Variants in DOCK4 observed in about 807,000 individuals in gnomAD.
DOCK4 encodes dedicator of cytokinesis protein 4.
In DOCK4, 97 loss-of-function variants were observed where a neutral mutation model predicts 268.1. The observed-to-expected ratio is 0.36, with a 90% confidence interval of 0.31 to 0.43. DOCK4 has a LOEUF of 0.43. DOCK4 is among the 20% of genes least tolerant of loss of function. The pLI is 1.00. For missense variants in DOCK4, 2,145 were observed against 2,455.7 expected, an observed-to-expected ratio of 0.87 and a Z score of 2.67; for synonymous variants, 954 against 887.2, an observed-to-expected ratio of 1.08 and a Z score of -1.34.
intron 6 of DOCK4, among the ~76,000 whole-genome samples, chr7:111,984,969 G>C (rs1160014490): frequency 6.6e-6 from 1 of 152,172 alleles, no homozygotes; most frequent in East Asian, 1.9e-4. Flanking sequence ...TTTGGGCCTG[G>C]GCTGGCAGAA....
intron 40 of DOCK4, 22 bp downstream of exon 40, chr7:111,760,159 C>G: frequency 1.2e-6 from 2 of 1,613,014 alleles, no homozygotes; most frequent in Non-Finnish European, 1.7e-6. Flanking sequence ...TCACTGAGTC[C>G]AGCCCTTGTA....
At chr7:112,096,486 TTAGGCCATTC>T (rs1357733497) in intron 1 of DOCK4, among the ~76,000 whole-genome samples, 1 of 152,174 alleles carries the variant, frequency 6.6e-6, no homozygotes, top group African/African-American at 2.4e-5. Context: ...CCAGGCCTTT[TTAGGCCATTC>T]TTTAACCCAT....
At chr7:111,987,522 C>T (rs192120129) in intron 6 of DOCK4, among the ~76,000 whole-genome samples, 236 of 152,282 alleles carry the variant, frequency 1.5e-3, no homozygotes, top group Admixed American at 4.4e-3. Context: ...GCATAGGTTT[C>T]GCTCCAACGG....
At chr7:112,162,280 G>A (rs1216362166) in intron 1 of DOCK4, among the ~76,000 whole-genome samples, 2 of 152,036 alleles carry the variant, frequency 1.3e-5, no homozygotes, top group African/African-American at 2.4e-5. Flanking sequence ...CTCCCCTGCA[G>A]AGCCTCCCCT....
At chr7:111,741,252 T>A in intron 46 of DOCK4, 38 bp from the exon 47 acceptor site, 1 of 1,610,612 alleles carries the variant, frequency 6.2e-7, no homozygotes, top group Non-Finnish European at 8.5e-7. Flanking sequence ...TAACTCAGTC[T>A]CCAAATTGTA....
chr7:112,125,913 A>G (rs540552800), intron 1 of DOCK4, among the ~76,000 whole-genome samples: 1 of 151,448 alleles, frequency 6.6e-6, no homozygotes, highest in Admixed American at 6.6e-5. Context: ...GTCTCAGGAG[A>G]TTATCTCACC....
At chr7:111,852,672 A>G (rs937967472) in intron 23 of DOCK4, among the ~76,000 whole-genome samples, 1 of 152,220 alleles carries the variant, frequency 6.6e-6, no homozygotes. Context: ...ACTGCAAAAA[A>G]GTAAGTAAGG....
chr7:111,905,831 A>G (rs1791523352), intron 13 of DOCK4, among the ~76,000 whole-genome samples: 1 of 152,094 alleles, frequency 6.6e-6, no homozygotes, highest in Non-Finnish European at 1.5e-5. Flanking sequence ...GACTTAGGTG[A>G]ACTTAGATTA....
chr7:111,945,584 T>C (rs902482641), intron 9 of DOCK4, 133 bp downstream of exon 9: 1 of 714,340 alleles, frequency 1.4e-6, no homozygotes, highest in Non-Finnish European at 2.3e-6. Flanking sequence ...TGGGCACTAA[T>C]GTAATTTGTG....
intron 43 of DOCK4, 68 bp from the exon 44 acceptor site, chr7:111,746,485 T>TAAAG: frequency 1.6e-6 from 2 of 1,274,364 alleles, no homozygotes; most frequent in Non-Finnish European, 2.2e-6. Flanking sequence ...AAGTTGTTTT[T>TAAAG]AAAGACCTGG....
At chr7:111,906,674 G>T (rs542717083) in intron 13 of DOCK4, among the ~76,000 whole-genome samples, 1 of 152,096 alleles carries the variant, frequency 6.6e-6, no homozygotes, top group Non-Finnish European at 1.5e-5. Flanking sequence ...GATTTTCTTG[G>T]ATTATCAGGG....
Position 111,941,466 on chromosome 7 carries a change from T to C in DOCK4, c.845-1224A>G, listed in dbSNP as rs115775826. 3.1e-3 allele frequency among the ~76,000 whole-genome samples: 466 copies of C among 152,328 alleles called. 2 individuals carry two copies. The highest frequency in any genetic ancestry group is 0.011 in the African/African-American group (446 of 41,572). ...GGTCTCAATTTATGTCTATTTTGAA[T>C]AATATTACAGAATGTATTAGGATGA... On this transcript the variant is annotated intron_variant, in intron 10 of 52. Coordinates refer to ENST00000428084, the MANE Select transcript of DOCK4 (RefSeq NM_001363540.2).
intron 1 of DOCK4, among the ~76,000 whole-genome samples, chr7:112,162,159 A>C (rs1817187065): frequency 6.6e-6 from 1 of 152,174 alleles, no homozygotes; most frequent in African/African-American, 2.4e-5. Flanking sequence ...GTGAAGCCTC[A>C]TTTATCTGGC....
At chr7:111,861,269 G>T (rs964918662) in intron 23 of DOCK4, among the ~76,000 whole-genome samples, 2 of 152,042 alleles carry the variant, frequency 1.3e-5, no homozygotes, top group African/African-American at 4.8e-5. Flanking sequence ...GGAGAAATCG[G>T]AAGGTTGAAC....
intron 34 of DOCK4, 88 bp downstream of exon 34, chr7:111,783,769 A>G (rs1798959110): frequency 2.5e-6 from 3 of 1,176,692 alleles, no homozygotes; most frequent in Non-Finnish European, 3.7e-6. Flanking sequence ...GTGATTCACA[A>G]GAGTGGAACG....
chr7:112,195,338 A>G (rs1217082098), intron 1 of DOCK4, among the ~76,000 whole-genome samples: 1 of 152,186 alleles, frequency 6.6e-6, no homozygotes, highest in Non-Finnish European at 1.5e-5. Flanking sequence ...TATGTGTGCA[A>G]TTTTTTAGGA....
chr7:111,812,804 C>G (rs188220611), intron 27 of DOCK4, among the ~76,000 whole-genome samples: 165 of 152,306 alleles, frequency 1.1e-3, no homozygotes, highest in Non-Finnish European at 7.3e-5. Context: ...GTGAAATTGT[C>G]TATAACCCAG....
chr7:111,816,046 G>C (rs1305157906), intron 27 of DOCK4, among the ~76,000 whole-genome samples: 1 of 152,114 alleles, frequency 6.6e-6, no homozygotes, highest in Non-Finnish European at 1.5e-5. Context: ...AGAAAAACTG[G>C]TGTACATGAA....
chr7:112,000,566 TA>T, intron 2 of DOCK4, 32 bp from the exon 3 acceptor site: 1 of 1,461,436 alleles, frequency 6.8e-7, no homozygotes, highest in Non-Finnish European at 9.3e-7. Context: ...CATATTTTGA[TA>T]AACCATTGTA....
Sources: allele counts gnomAD v4.1 joint callset (sites outside exome capture counted in the v4.1 genomes callset), GRCh38; gene constraint gnomAD v4.1.1; transcripts MANE v1.5; gene names NCBI Gene and HGNC (gene_info 2026-07-23, HGNC 2026-07-21).